The following FAM107B variants were observed in gnomAD, a reference collection of about 807,000 sequenced individuals.
The protein encoded by FAM107B is family with sequence similarity 107 member B, also known as protein FAM107B.
Under a neutral mutation model 31.5 loss-of-function variants are expected in FAM107B, and 21 were observed. The observed-to-expected ratio is 0.67, with a 90% confidence interval of 0.47 to 0.96. The LOEUF (loss-of-function observed/expected upper bound fraction) is 0.96, where lower values mean the gene tolerates loss of function less well. FAM107B is among the 40% of genes least tolerant of loss of function. FAM107B has a pLI of 0.00. For synonymous variants in FAM107B, 157 were observed against 141.5 expected (o/e 1.11, Z -0.78); for missense variants, 452 against 377.1 (o/e 1.20, Z -1.64).
intron 1 of FAM107B, among the ~76,000 whole-genome samples, chr10:14,768,418 C>T (rs954014900): frequency 5.9e-5 from 9 of 152,120 alleles, no homozygotes; most frequent in Admixed American, 2.6e-4. Context: ...CTACAGTAAT[C>T]GAAACAGTGT....
chr10:14,527,762 T>C (rs1192252032), intron 3 of FAM107B, among the ~76,000 whole-genome samples: 1 of 152,230 alleles, frequency 6.6e-6, no homozygotes, highest in Admixed American at 6.5e-5. Flanking sequence ...AGACTGGTTA[T>C]TCATTAACCA....
intron 2 of FAM107B, among the ~76,000 whole-genome samples, chr10:14,653,119 T>C (rs376343388): frequency 3.3e-5 from 5 of 152,312 alleles, no homozygotes; most frequent in East Asian, 1.9e-4. Flanking sequence ...AATGAACACA[T>C]GGACAAATTA....
intron 2 of FAM107B, among the ~76,000 whole-genome samples, chr10:14,588,814 GGAA>G (rs1851926168): frequency 6.6e-6 from 1 of 152,096 alleles, no homozygotes; most frequent in African/African-American, 2.4e-5. Context: ...GTGAAAAGGA[GGAA>G]GAAGAGAGAG....
At chr10:14,640,759 T>C (rs183849607) in intron 2 of FAM107B, among the ~76,000 whole-genome samples, 1 of 152,062 alleles carries the variant, frequency 6.6e-6, no homozygotes, top group South Asian at 2.1e-4. Flanking sequence ...ATCAGCAAAA[T>C]AGTCAAACTG....
chr10:14,575,830 ACT>A (rs1851447726), intron 2 of FAM107B, among the ~76,000 whole-genome samples: 1 of 152,220 alleles, frequency 6.6e-6, no homozygotes, highest in African/African-American at 2.4e-5. Context: ...GTATAAAAAC[ACT>A]GAGTCAGATC....
At chr10:14,548,184 G>C (rs192516372) in intron 2 of FAM107B, among the ~76,000 whole-genome samples, 56 of 152,336 alleles carry the variant, frequency 3.7e-4, no homozygotes, top group African/African-American at 1.3e-3. Context: ...GGGGAGCACA[G>C]GGTGGGCCTG....
At chr10:14,623,692 A>G (rs1051639708) in intron 2 of FAM107B, among the ~76,000 whole-genome samples, 2 of 152,104 alleles carry the variant, frequency 1.3e-5, no homozygotes, top group Admixed American at 1.3e-4. Context: ...TGGGCGTGGT[A>G]GTGCAGGTCT....
chr10:14,771,909 A>G (rs116559252), intron 1 of FAM107B, among the ~76,000 whole-genome samples: 3,344 of 152,348 alleles, frequency 0.022, 118 homozygotes, highest in African/African-American at 0.072. Flanking sequence ...ATTAATTAGT[A>G]GTAGAAGCAC....
intron 1 of FAM107B, among the ~76,000 whole-genome samples, chr10:14,761,829 C>T (rs890612579): frequency 2.6e-5 from 4 of 152,068 alleles, no homozygotes; most frequent in African/African-American, 9.7e-5. Flanking sequence ...GAACTCCTGG[C>T]CTCAAGTGAT....
intron 1 of FAM107B, among the ~76,000 whole-genome samples, chr10:14,765,888 AGCAGAGCTGAT>A (rs1833151065): frequency 6.6e-6 from 1 of 152,190 alleles, no homozygotes; most frequent in African/African-American, 2.4e-5. Context: ...AATATAGCCC[AGCAGAGCTGAT>A]CCCAGTAGAG....
intron 2 of FAM107B, among the ~76,000 whole-genome samples, chr10:14,604,984 C>G (rs956969087): frequency 6.6e-6 from 1 of 152,152 alleles, no homozygotes; most frequent in African/African-American, 2.4e-5. Flanking sequence ...AAGAGCGTCT[C>G]GCTCCTGGGT....
rs374241575 is a variant in FAM107B at position 14,554,151 on chromosome 10, T to C, written c.470-23636A>G. ...AGCTGGCCTCGCCTGTTCAGAGAGTTAGAAATGGGCTTTTTCTTTATCTCC... is the reference window on the plus strand; with the variant it reads ...AGCTGGCCTCGCCTGTTCAGAGAGTCAGAAATGGGCTTTTTCTTTATCTCC... On this transcript the variant is annotated intron_variant, in intron 2 of 4. Coordinates refer to ENST00000181796, the MANE Select transcript of FAM107B (RefSeq NM_031453.4). 4.0e-4 allele frequency: 399 copies of C among 985,424 alleles called. 6 individuals are homozygous for C. In the South Asian group the frequency reaches 0.017, roughly 42 times the overall value. The allele number at this position is 985,424 out of a possible 1,614,324, so 61.0% of individuals were successfully genotyped here. A position where few individuals can be genotyped will look rare whatever the true frequency, so the allele number is the denominator to read the frequency against.
chr10:14,690,396 A>G (rs1855103341), intron 1 of FAM107B, among the ~76,000 whole-genome samples: 2 of 152,098 alleles, frequency 1.3e-5, no homozygotes, highest in African/African-American at 2.4e-5. Context: ...CATTACTAGT[A>G]TCCCTGGTGG....
At chr10:14,522,997 A>G (rs1845831842) in intron 3 of FAM107B, among the ~76,000 whole-genome samples, 1 of 152,192 alleles carries the variant, frequency 6.6e-6, no homozygotes, top group South Asian at 2.1e-4. Context: ...TTTCTGAGAG[A>G]TAAATTAGGC....
At chr10:14,765,818 A>T (rs543409482) in intron 1 of FAM107B, among the ~76,000 whole-genome samples, 23 of 152,334 alleles carry the variant, frequency 1.5e-4, no homozygotes, top group African/African-American at 5.3e-4. Flanking sequence ...CCATAGGGAA[A>T]GGTAGGGAAG....
At chr10:14,563,380 TAATAC>T (rs1324155869) in intron 2 of FAM107B, among the ~76,000 whole-genome samples, 3 of 152,362 alleles carry the variant, frequency 2.0e-5, no homozygotes, top group Non-Finnish European at 2.9e-5. Context: ...TCCTTTCAAC[TAATAC>T]AATACACACC....
chr10:14,773,989 C>A (rs371325985), intron 1 of FAM107B, among the ~76,000 whole-genome samples: 2 of 152,266 alleles, frequency 1.3e-5, no homozygotes, highest in South Asian at 4.1e-4. Context: ...ATTTTTGGCT[C>A]TAAGGCACCC....
chr10:14,519,564 A>G lies in FAM107B; in HGVS notation c.*1626T>C, dbSNP rs905343260. 2 of 152,254 alleles carry G rather than the reference A, an allele frequency of 1.3e-5. No individual in the cohort carries two copies. Among genetic ancestry groups the G allele is most frequent in the Admixed American group, 1.3e-4 (2 of 15,290 alleles). The allele number at this position is 152,254 out of a possible 1,614,324, so 9.4% of individuals were successfully genotyped here. ...TCAAATAATACTTGCTGATGAGATA[A>G]ATAATCCATTTCAGGTATAATCAAC... On this transcript the variant is annotated 3_prime_UTR_variant, in exon 5 of 5. Transcript: ENST00000181796.
chr10:14,594,281 G>A (rs1002491714), intron 2 of FAM107B, among the ~76,000 whole-genome samples: 2 of 152,084 alleles, frequency 1.3e-5, no homozygotes, highest in Non-Finnish European at 2.9e-5. Context: ...CAACGCAAAA[G>A]GATTGCTTGA....
Sources: allele counts gnomAD v4.1 joint callset (sites outside exome capture counted in the v4.1 genomes callset), GRCh38; gene constraint gnomAD v4.1.1; transcripts MANE v1.5; gene names NCBI Gene and HGNC (gene_info 2026-07-23, HGNC 2026-07-21).